Variants in INTS14 observed in about 807,000 individuals in gnomAD.
INTS14 encodes the protein UPF0464 protein C15orf44.
A neutral mutation model predicts 56.9 loss-of-function variants in INTS14; 27 were observed. The observed-to-expected ratio is 0.47, with a 90% CI of 0.35 to 0.65. The LOEUF is 0.65. Among genes scored for constraint, INTS14 ranks in the 30% least tolerant of loss-of-function variants. The probability of loss-of-function intolerance (pLI) is 0.00; values close to 1 mark genes in which losing one functional copy is unlikely to be tolerated. For missense variants in INTS14, 517 were observed against 632.2 expected (o/e 0.82, Z 1.95); for synonymous variants, 207 against 236.2 (o/e 0.88, Z 1.13).
intron 3 of INTS14, among the ~76,000 whole-genome samples, chr15:65,602,097 C>T (rs2073455354): frequency 1.3e-5 from 2 of 151,870 alleles, no homozygotes; most frequent in African/African-American, 2.4e-5. Flanking sequence ...TTCTGTAGGG[C>T]GTGATGGCAC....
At position 65,596,727 on chromosome 15, in the gene INTS14, C is replaced by T. The variant is rs546332470; in HGVS notation, c.749-902G>A. On this transcript the variant is annotated intron_variant, in intron 6 of 11. Coordinates refer to ENST00000313182, the MANE Select transcript of INTS14 (RefSeq NM_001394796.1). Reference sequence around the variant, plus strand: ...CTGGGATTATAGACATGTGCCACCACGCCTGGCTAATTTTGTATTTTTAGT... The same window carrying T: ...CTGGGATTATAGACATGTGCCACCATGCCTGGCTAATTTTGTATTTTTAGT... Among the ~76,000 whole-genome samples the T allele has an allele frequency of 6.6e-5, 10 of 152,232 alleles. No homozygotes were observed. The East Asian group carries it at 7.7e-4, about 12-fold the overall frequency.
intron 1 of INTS14, among the ~76,000 whole-genome samples, chr15:65,609,022 C>G (rs569317597): frequency 6.6e-6 from 1 of 152,334 alleles, no homozygotes; most frequent in Non-Finnish European, 1.5e-5. Flanking sequence ...CTCAGCCTCC[C>G]GAGTAGCCGG....
chr15:65,605,010 A>T (rs2141322648), intron 3 of INTS14, 119 bp downstream of exon 3: 1 of 742,984 alleles, frequency 1.3e-6, no homozygotes, highest in Non-Finnish European at 2.3e-6. Context: ...AGATACCAAT[A>T]GTGTAAAATG....
intron 1 of INTS14, among the ~76,000 whole-genome samples, chr15:65,610,212 T>G (rs1248893232): frequency 2.0e-5 from 3 of 152,044 alleles, no homozygotes; most frequent in East Asian, 3.9e-4. Context: ...ATACAAAAAT[T>G]AGCCAGATGT....
At chr15:65,608,140 C>A (rs1037818392) in intron 1 of INTS14, among the ~76,000 whole-genome samples, 6 of 152,054 alleles carry the variant, frequency 3.9e-5, no homozygotes, top group Non-Finnish European at 8.8e-5. Context: ...CTTTGAGAGG[C>A]CCAGGTGGGC....
Position 65,579,337 on chromosome 15 carries a change from T to TA in INTS14, c.*70dup. On this transcript the variant is annotated 3_prime_UTR_variant, in exon 12 of 12. Coordinates refer to ENST00000313182, the MANE Select transcript of INTS14 (RefSeq NM_001394796.1). ...TGGGTGGCTATTCTAGAGGTGAACA[T>TA]ACTGGAAAGGTTTTTACCTAAAGCA... 1 of 1,562,726 alleles carries TA rather than the reference T, an allele frequency of 6.4e-7. No individual in the cohort carries two copies. The highest frequency in any genetic ancestry group is 8.7e-7 in the Non-Finnish European group (1 of 1,151,578).
At chr15:65,610,660 T>A in intron 1 of INTS14, 1 of 1,534,022 alleles carries the variant, frequency 6.5e-7, no homozygotes, top group Non-Finnish European at 8.7e-7. Flanking sequence ...CAAAGCAGGA[T>A]TCTACCTGAA....
At chr15:65,603,642 ATAC>A (rs1377246560) in intron 3 of INTS14, among the ~76,000 whole-genome samples, 1 of 152,000 alleles carries the variant, frequency 6.6e-6, no homozygotes, top group Non-Finnish European at 1.5e-5. Context: ...TAATAAATAA[ATAC>A]TAGTGATGCT....
At chr15:65,586,643 A>G (rs1409441643) in intron 9 of INTS14, 6 of 152,224 alleles carry the variant, frequency 3.9e-5, no homozygotes, top group Admixed American at 3.9e-4. Flanking sequence ...GAAATATTAC[A>G]TTTATGAAAG....
In INTS14 at chr15:65,601,584, G is replaced by A. The variant is rs577774706; in HGVS notation, c.331-1655C>T. On this transcript the variant is annotated intron_variant, in intron 3 of 11. Coordinates refer to ENST00000313182, the MANE Select transcript of INTS14 (RefSeq NM_001394796.1). ...TCTCGAACTCCTGACCTTGTGAACC[G>A]TCAGCCTCGGCCTCCCAAAGTGCTG... 1.6e-4 allele frequency among the ~76,000 whole-genome samples: 25 copies of A among 152,232 alleles called. No individual in the cohort carries two copies. In the East Asian group the frequency reaches 2.7e-3, roughly 16 times the overall value.
At chr15:65,580,041 AC>A (rs1276189587) in intron 11 of INTS14, among the ~76,000 whole-genome samples, 1 of 152,086 alleles carries the variant, frequency 6.6e-6, no homozygotes, top group Non-Finnish European at 1.5e-5. Context: ...AACGCTCTTA[AC>A]CCTCTGATGC....
intron 9 of INTS14, among the ~76,000 whole-genome samples, chr15:65,590,904 T>C (rs2073001965): frequency 6.6e-6 from 1 of 152,032 alleles, no homozygotes; most frequent in African/African-American, 2.4e-5. Flanking sequence ...GAAGGAGGAA[T>C]AGTTTGAGGA....
chr15:65,599,826 G>C lies in INTS14; in HGVS notation c.434C>G (p.Pro145Arg), dbSNP rs2073358183. 1 of 1,614,088 alleles carries C rather than the reference G, an allele frequency of 6.2e-7. No individual in the cohort carries two copies. The highest frequency in any genetic ancestry group is 8.5e-7 in the Non-Finnish European group (1 of 1,180,046). Reference protein sequence around the residue: ...QRSESNRFPLPFPFPSKLYIM... With the variant: ...QRSESNRFPLRFPFPSKLYIM... Reference sequence around the variant, plus strand: ...ATATAACTTAGATGGGAAAGGAAAAGGTAGTGGAAACCTGTTGCTCTCACT... The same window carrying C: ...ATATAACTTAGATGGGAAAGGAAAACGTAGTGGAAACCTGTTGCTCTCACT... The change falls in exon 4 of 12, where the codon CCT becomes CGT. Residue 145 changes from proline (P) to arginine (R), a missense_variant. Physicochemically the swap from Pro to Arg is moderately radical, Grantham distance 103. Coordinates refer to ENST00000313182, the MANE Select transcript of INTS14 (RefSeq NM_001394796.1).
Position 65,578,761 on chromosome 15 carries a change from G to GTT in INTS14, c.*645_*646dup, listed in dbSNP as rs891861783. ...ACAGACCAAAAGCAAACGACCTTTA[G>GTT]TTTCATAGTGAAACCATTTTCTAGA... On this transcript the variant is annotated 3_prime_UTR_variant, in exon 12 of 12. Coordinates refer to ENST00000313182, the MANE Select transcript of INTS14 (RefSeq NM_001394796.1). The GTT allele has an allele frequency of 5.9e-5, 9 of 152,046 alleles. No homozygotes were observed. The highest frequency in any genetic ancestry group is 2.2e-4 in the African/African-American group (9 of 41,382). 9.4% of individuals were successfully genotyped at this position (152,046 alleles called of 1,614,324 possible).
chr15:65,584,751 A>C lies in INTS14; in HGVS notation c.1239+19T>G, dbSNP rs749766948. The C allele has an allele frequency of 4.0e-5, 64 of 1,607,144 alleles. No individual in the cohort carries two copies. Among genetic ancestry groups the C allele is most frequent in the Middle Eastern group, 1.6e-4 (1 of 6,072 alleles). On this transcript the variant is annotated intron_variant, in intron 10 of 11. Transcript: ENST00000313182. The stretch of plus-strand genomic sequence containing the variant: ...TGTCTCCTGTCCCCAGTGGAAAGCA[A>C]CATAAATGGTAATGTTACCTGCAGG...
In INTS14 at chr15:65,599,793, C is replaced by A. The variant is rs1176805450; in HGVS notation, c.467G>T (p.Cys156Phe). The A allele has an allele frequency of 3.1e-6, 5 of 1,613,946 alleles. No homozygotes were observed. Among genetic ancestry groups the A allele is most frequent in the Non-Finnish European group, 4.2e-6 (5 of 1,179,942 alleles). Reference protein sequence around the residue: ...FPFPSKLYIMCMANLEELQST... With the variant: ...FPFPSKLYIMFMANLEELQST... ...TATTACCTCCTCCAAATTCGCCATG[C>A]ACATGATATATAACTTAGATGGGAA... The change falls in exon 4 of 12, where the codon TGC becomes TTC. Residue 156 changes from cysteine (C) to phenylalanine (F), a missense_variant. By Grantham distance (205) the Cys-to-Phe change is radical. Transcript: ENST00000313182.
chr15:65,607,163 A>G lies in INTS14; in HGVS notation c.218T>C (p.Leu73Pro). 6.2e-7 allele frequency: 1 copy of G among 1,614,050 alleles called. No individual in the cohort carries two copies. Among genetic ancestry groups the G allele is most frequent in the Non-Finnish European group, 8.5e-7 (1 of 1,179,892 alleles). Residue 73 changes from leucine (L) to proline (P), a missense_variant, in exon 2 of 12, where the codon CTA (leucine) becomes CCA (proline). Transcript: ENST00000313182. Reference sequence around the variant, plus strand: ...ATAACTTACTACATTTTGTACCTGTAGGGTATTATAATCTCTCGTGAAGGG... The same window carrying G: ...ATAACTTACTACATTTTGTACCTGTGGGGTATTATAATCTCTCGTGAAGGG... ...MVPFTRDYNTLQEALSNMDDY... is the reference protein window; with the variant it reads ...MVPFTRDYNTPQEALSNMDDY...
At position 65,584,800 on chromosome 15, in the gene INTS14, C is replaced by T. The variant is rs747246228; in HGVS notation, c.1209G>A (p.Val403=). 6.2e-7 allele frequency: 1 copy of T among 1,613,320 alleles called. No homozygotes were observed. Among genetic ancestry groups the T allele is most frequent in the Admixed American group, 1.7e-5 (1 of 59,898 alleles). Residue 403 remains valine (V), a synonymous_variant, in exon 10 of 12, where the codon GTG becomes GTA. Transcript: ENST00000313182. ...GGCCGCTGGGTTTGATCCAGACAGT[C>T]ACATTCTGGGCATAACTGCGTTTGT... ...PKNKRSYAQN[V]TVWIKPSGLQ...
intron 11 of INTS14, among the ~76,000 whole-genome samples, chr15:65,580,455 C>T (rs1041119466): frequency 6.6e-6 from 1 of 152,110 alleles, no homozygotes; most frequent in Admixed American, 6.5e-5. Flanking sequence ...TAGCTGATGA[C>T]TGTAGGAAGC....
Sources: allele counts gnomAD v4.1 joint callset (sites outside exome capture counted in the v4.1 genomes callset), GRCh38; gene constraint gnomAD v4.1.1; transcripts MANE v1.5; gene names NCBI Gene and HGNC (gene_info 2026-07-23, HGNC 2026-07-21).